The following PCDHGB1 variants were observed in gnomAD, a reference collection of about 807,000 sequenced individuals.
PCDHGB1 encodes the protein protocadherin gamma subfamily B, 1.
In PCDHGB1, 34 loss-of-function variants were observed where a neutral mutation model predicts 56.6. The observed-to-expected ratio is 0.60, with a 90% CI of 0.46 to 0.80. The LOEUF is 0.80. PCDHGB1 is among the 30% of genes least tolerant of loss of function. The probability of loss-of-function intolerance (pLI) is 0.00; values close to 1 mark genes in which losing one functional copy is unlikely to be tolerated. For synonymous variants in PCDHGB1, 561 were observed against 505.9 expected, an observed-to-expected ratio of 1.11 and a Z score of -1.46; for missense variants, 1,278 against 1,204.6, an observed-to-expected ratio of 1.06 and a Z score of -0.90.
intron 1 of PCDHGB1, chr5:141,413,400 G>C: frequency 6.2e-7 from 1 of 1,614,060 alleles, no homozygotes; most frequent in Non-Finnish European, 8.5e-7. Context: ...CCAGAGGTAG[G>C]ACGCAGCTTT....
rs781026604 is a variant in PCDHGB1, at chr5:141,490,471, C to G, written c.2410-4336C>G. ...CCACTACTCGCTGCTAACCAGCCAG[C>G]CTTTGGACCGGGAGGCCACATCCCA... On this transcript the variant is annotated intron_variant, in intron 1 of 3. Coordinates refer to ENST00000523390, the MANE Select transcript of PCDHGB1 (RefSeq NM_018922.3). The surrounding 1 kb of genome is among the most constrained non-coding windows in gnomAD (Gnocchi z 5.4). 12 of 1,614,096 alleles carry G rather than the reference C, an allele frequency of 7.4e-6. No homozygotes were observed. The highest frequency in any genetic ancestry group is 1.1e-5 in the South Asian group (1 of 91,092).
chr5:141,509,830 T>A (rs1328716142), intron 3 of PCDHGB1, among the ~76,000 whole-genome samples: 1 of 152,204 alleles, frequency 6.6e-6, no homozygotes, highest in African/African-American at 2.4e-5. Flanking sequence ...ATCTTCTCTC[T>A]ACCTCCCATT....
intron 1 of PCDHGB1, chr5:141,376,102 C>G (rs1772284190): frequency 6.2e-7 from 1 of 1,613,506 alleles, no homozygotes; most frequent in Non-Finnish European, 8.5e-7. Flanking sequence ...ACATCCTGGC[C>G]GACCTGGGCA....
At chr5:141,458,359 A>C (rs2098943826) in intron 1 of PCDHGB1, among the ~76,000 whole-genome samples, 1 of 152,142 alleles carries the variant, frequency 6.6e-6, no homozygotes, top group Non-Finnish European at 1.5e-5. Context: ...AATAAGCAAG[A>C]AGGAAGGGAG....
At chr5:141,375,666 T>C (rs1771733109) in intron 1 of PCDHGB1, 1 of 1,614,122 alleles carries the variant, frequency 6.2e-7, no homozygotes, top group African/African-American at 1.3e-5. Context: ...TTGAGAGACC[T>C]ACAGCTGTGG....
At chr5:141,364,415 G>C in intron 1 of PCDHGB1, 1 of 1,613,082 alleles carries the variant, frequency 6.2e-7, no homozygotes, top group South Asian at 1.1e-5. Flanking sequence ...GCCAGGATCC[G>C]GGCAGATCCG....
chr5:141,374,301 A>T, intron 1 of PCDHGB1: 1 of 1,613,996 alleles, frequency 6.2e-7, no homozygotes, highest in Non-Finnish European at 8.5e-7. Flanking sequence ...GGTAGGATGC[A>T]GCTTTTCTCT....
At position 141,476,749 on chromosome 5, in the gene PCDHGB1, G is replaced by C; in HGVS notation, c.2410-18058G>C. On this transcript the variant is annotated intron_variant, in intron 1 of 3. Transcript: ENST00000523390. The surrounding 1 kb of genome is among the most constrained non-coding windows in gnomAD (Gnocchi z 7.6). ...ACCGAGAACGGGAGCCTAGTCTCCA[G>C]TTAGTGCTGACGGCGTTGGACGGAG... is the stretch of plus-strand genomic sequence containing the variant. 1.9e-6 allele frequency: 3 copies of C among 1,614,042 alleles called. No homozygotes were observed. The highest frequency in any genetic ancestry group is 2.5e-6 in the Non-Finnish European group (3 of 1,180,038).
At position 141,360,218 on chromosome 5, in the gene PCDHGB1, C is replaced by G. The variant is rs1331722103; in HGVS notation, c.2409+7549C>G. ...TTCCTGTTGTCTTTGTTCCCCGGGG[C>G]TCTCCCAGTCCAGATCCGCTATTCA... On this transcript the variant is annotated intron_variant, in intron 1 of 3. Transcript: ENST00000523390. The G allele has an allele frequency of 1.9e-6, 3 of 1,613,260 alleles. No homozygotes were observed. In the East Asian group the frequency reaches 6.7e-5, roughly 36 times the overall value.
intron 1 of PCDHGB1, chr5:141,389,928 C>A: frequency 6.2e-7 from 1 of 1,614,068 alleles, no homozygotes. Flanking sequence ...CCCCTCTGAC[C>A]TCCAGGCTGA....
At chr5:141,402,765 C>T (rs2150942715) in intron 1 of PCDHGB1, among the ~76,000 whole-genome samples, 1 of 152,322 alleles carries the variant, frequency 6.6e-6, no homozygotes, top group Admixed American at 6.5e-5. Flanking sequence ...ATCAGGACTC[C>T]ATCCGGATTT....
intron 1 of PCDHGB1, among the ~76,000 whole-genome samples, chr5:141,401,408 A>G (rs943963302): frequency 6.6e-6 from 1 of 152,200 alleles, no homozygotes; most frequent in Non-Finnish European, 1.5e-5. Flanking sequence ...TATGAGAGAG[A>G]AAGAGAGAGA....
intron 1 of PCDHGB1, among the ~76,000 whole-genome samples, chr5:141,492,968 C>T: frequency 6.6e-6 from 1 of 152,240 alleles, no homozygotes; most frequent in East Asian, 1.9e-4. Flanking sequence ...GACACTCTAA[C>T]AAGTCCTGTC....
intron 1 of PCDHGB1, chr5:141,479,468 T>C (rs1473966646): frequency 1.3e-5 from 2 of 152,248 alleles, no homozygotes; most frequent in African/African-American, 4.8e-5. Context: ...TACAGTGACC[T>C]CTTGGGAGGG....
intron 1 of PCDHGB1, chr5:141,415,040 CG>C (rs878992043): frequency 6.2e-7 from 1 of 1,613,520 alleles, no homozygotes; most frequent in East Asian, 2.2e-5. Flanking sequence ...GGACTCTTCG[CG>C]GTGGGGGAGC....
At chr5:141,497,212 G>C (rs968445663) in intron 2 of PCDHGB1, among the ~76,000 whole-genome samples, 2 of 151,018 alleles carry the variant, frequency 1.3e-5, no homozygotes, top group East Asian at 3.9e-4. Context: ...AGTGTAATGG[G>C]GGGGGGAAGA....
chr5:141,371,538 A>G, intron 1 of PCDHGB1: 1 of 1,613,804 alleles, frequency 6.2e-7, no homozygotes, highest in Non-Finnish European at 8.5e-7. Context: ...TAATGGAGAA[A>G]TCCTATGCCA....
rs770596172 is a variant in PCDHGB1, at chr5:141,487,664, G to A, written c.2410-7143G>A. ...AATGCTTGAGGGTTATTCTGATCCA[G>A]GCATATGGCTAGGCCATGTCCTAGA... On this transcript the variant is annotated intron_variant, in intron 1 of 3. Transcript: ENST00000523390. The surrounding 1 kb of genome is among the most constrained non-coding windows in gnomAD (Gnocchi z 5.0). 1.9e-5 allele frequency: 31 copies of A among 1,613,048 alleles called. No individual in the cohort carries two copies. The South Asian group carries it at 3.4e-4, about 18-fold the overall frequency.
chr5:141,388,923 TTCCAG>T (rs1561622090), intron 1 of PCDHGB1: 2 of 1,614,002 alleles, frequency 1.2e-6, no homozygotes, highest in Admixed American at 1.7e-5. Context: ...AGAAGTGATA[TTCCAG>T]TCTCTACCCA....
Sources: allele counts gnomAD v4.1 joint callset (sites outside exome capture counted in the v4.1 genomes callset), GRCh38; gene constraint gnomAD v4.1.1; non-coding constraint Gnocchi (gnomAD v3.1); transcripts MANE v1.5; gene names NCBI Gene and HGNC (gene_info 2026-07-23, HGNC 2026-07-21).